Variants in CCDC63 observed in about 807,000 individuals in gnomAD.
CCDC63 encodes the protein coiled-coil domain-containing protein 63.
A neutral mutation model predicts 63.6 loss-of-function variants in CCDC63; 54 were observed. That is an observed-to-expected ratio of 0.85 (90% CI 0.68 to 1.07). CCDC63 has a LOEUF of 1.07. Ranked by LOEUF, CCDC63 falls within the 50% of genes least tolerant of loss-of-function variation. CCDC63 has a pLI of 0.00. For synonymous variants in CCDC63, 253 were observed against 266.1 expected (o/e 0.95, Z 0.48); for missense variants, 637 against 689.6 (o/e 0.92, Z 0.86).
At chr12:110,880,769 GATA>G (rs2071192580) in intron 6 of CCDC63, among the ~76,000 whole-genome samples, 2 of 138,332 alleles carry the variant, frequency 1.4e-5, no homozygotes, top group African/African-American at 2.9e-5. Context: ...TGATAGTGGT[GATA>G]ATGATGATGG....
chr12:110,871,564 CTT>C (rs1412580886), intron 4 of CCDC63, among the ~76,000 whole-genome samples: 6 of 137,302 alleles, frequency 4.4e-5, no homozygotes, highest in Non-Finnish European at 6.4e-5. Context: ...TCCTTCCTTC[CTT>C]TTTTTTTTTT....
At chr12:110,897,714 C>T (rs940333299) in intron 9 of CCDC63, among the ~76,000 whole-genome samples, 4 of 147,198 alleles carry the variant, frequency 2.7e-5, no homozygotes, top group African/African-American at 5.0e-5. Flanking sequence ...CAATGTATTT[C>T]TTCCTGTGGA....
intron 8 of CCDC63, among the ~76,000 whole-genome samples, chr12:110,886,041 G>A (rs2071274383): frequency 6.6e-6 from 1 of 152,134 alleles, no homozygotes; most frequent in African/African-American, 2.4e-5. Context: ...GCAAAAAATG[G>A]AGTGAAGGTG....
intron 8 of CCDC63, among the ~76,000 whole-genome samples, chr12:110,890,746 A>T (rs551230302): frequency 5.3e-5 from 8 of 150,350 alleles, no homozygotes; most frequent in Admixed American, 4.6e-4. Flanking sequence ...GATACCTCCC[A>T]ACATCTTCTA....
intron 4 of CCDC63, among the ~76,000 whole-genome samples, chr12:110,860,509 A>G (rs2070839700): frequency 6.6e-6 from 1 of 152,238 alleles, no homozygotes; most frequent in East Asian, 1.9e-4. Flanking sequence ...ATCCTCAGTA[A>G]ACATTTACTA....
In CCDC63 at chr12:110,852,971, A is replaced by G; in HGVS notation, c.9+8A>G. 1 of 1,614,050 alleles carries G rather than the reference A, an allele frequency of 6.2e-7. No individual in the cohort carries two copies. The highest frequency in any genetic ancestry group is 8.5e-7 in the Non-Finnish European group (1 of 1,179,940). On this transcript the variant is annotated splice_region_variant and intron_variant, in intron 2 of 11. Coordinates refer to ENST00000308208, the MANE Select transcript of CCDC63 (RefSeq NM_152591.3). ...TCCTTCAAGATGTCTGTGGTAGGTG[A>G]TGCCAGCTCCCAGCCACAGAGCACC...
chr12:110,877,996 T>C (rs563615469), intron 5 of CCDC63, among the ~76,000 whole-genome samples: 10 of 152,014 alleles, frequency 6.6e-5, no homozygotes, highest in Non-Finnish European at 1.3e-4. Context: ...CATGAGCCAC[T>C]GCGCCCAGCC....
chr12:110,867,778 G>A (rs1412776989), intron 4 of CCDC63, among the ~76,000 whole-genome samples: 2 of 145,340 alleles, frequency 1.4e-5, no homozygotes, highest in South Asian at 2.2e-4. Flanking sequence ...CCTCCCGGAC[G>A]GGGTGGCTGG....
chr12:110,899,271 G>A (rs972758310), intron 10 of CCDC63, 146 bp downstream of exon 10: 2 of 670,128 alleles, frequency 3.0e-6, no homozygotes, highest in East Asian at 2.9e-5. Flanking sequence ...TTTGAATCCT[G>A]GGTCTACACT....
chr12:110,878,583 G>T (rs901253088), intron 5 of CCDC63, among the ~76,000 whole-genome samples: 5 of 152,178 alleles, frequency 3.3e-5, no homozygotes, highest in African/African-American at 9.7e-5. Flanking sequence ...CCAAAGTGCT[G>T]GGATTACAGG....
chr12:110,849,498 C>CTTTTTTTTT (rs56059098), intron 1 of CCDC63, among the ~76,000 whole-genome samples: 1 of 126,298 alleles, frequency 7.9e-6, no homozygotes, highest in Non-Finnish European at 1.6e-5. Flanking sequence ...CTCTTATTTC[C>CTTTTTTTTT]TTTTTTTTTT....
intron 8 of CCDC63, among the ~76,000 whole-genome samples, chr12:110,892,699 C>T (rs2071371476): frequency 6.6e-6 from 1 of 151,994 alleles, no homozygotes. Context: ...GCCTGTAGTC[C>T]CAGCTACTCA....
Position 110,881,151 on chromosome 12 carries a change from C to A in CCDC63, c.708C>A (p.Asp236Glu). The A allele has an allele frequency of 1.2e-6, 2 of 1,612,012 alleles. No homozygotes were observed. The highest frequency in any genetic ancestry group is 1.3e-5 in the African/African-American group (1 of 74,942). ...EAMARMAAMK[D>E]RQKKDTSQYN... ...TGGCTCGAATGGCTGCCATGAAAGA[C>A]CGCCAGAAGAAGGACACCTCTCAGT... The change falls in exon 7 of 12, where the codon GAC becomes GAA. Residue 236 changes from aspartate to glutamate, a missense_variant. By Grantham distance (45) the Asp-to-Glu change is conservative. Transcript: ENST00000308208.
chr12:110,896,918 G>T (rs1399809516), intron 9 of CCDC63, among the ~76,000 whole-genome samples: 1 of 152,208 alleles, frequency 6.6e-6, no homozygotes, highest in Non-Finnish European at 1.5e-5. Context: ...CAGGGCCTTT[G>T]ACTGAGTAAG....
chr12:110,853,311 G>A, intron 2 of CCDC63, 94 bp from the exon 3 acceptor site: 1 of 1,279,346 alleles, frequency 7.8e-7, no homozygotes, highest in South Asian at 1.5e-5. Context: ...CCATGGCCCA[G>A]CCACCCCCAC....
At chr12:110,863,787 C>T (rs945142951) in intron 4 of CCDC63, among the ~76,000 whole-genome samples, 3 of 152,150 alleles carry the variant, frequency 2.0e-5, no homozygotes, top group Non-Finnish European at 4.4e-5. Context: ...GTGATCTGCC[C>T]ACCTCAGCCT....
intron 4 of CCDC63, among the ~76,000 whole-genome samples, chr12:110,859,241 G>A (rs1037789183): frequency 3.9e-5 from 6 of 151,986 alleles, no homozygotes; most frequent in African/African-American, 1.5e-4. Context: ...CAGGTATTAT[G>A]GGAAAGAAAG....
chr12:110,856,188 C>T (rs751673026), intron 3 of CCDC63, among the ~76,000 whole-genome samples: 14 of 150,670 alleles, frequency 9.3e-5, no homozygotes, highest in South Asian at 4.2e-4. Flanking sequence ...CAGGTTCAAG[C>T]GATTCTCCTG....
At chr12:110,899,477 C>T (rs1354808130) in intron 10 of CCDC63, among the ~76,000 whole-genome samples, 1 of 152,080 alleles carries the variant, frequency 6.6e-6, no homozygotes, top group East Asian at 1.9e-4. Context: ...CACCACCATA[C>T]ACGGCTGATT....
Sources: gnomAD v4.1 joint callset for allele counts (sites outside exome capture counted in the v4.1 genomes callset) on GRCh38, gnomAD v4.1.1 for gene constraint, MANE v1.5 for transcripts, NCBI Gene and HGNC (gene_info 2026-07-23, HGNC 2026-07-21) for gene names.